Variants in MAP2 observed in about 807,000 individuals in gnomAD.
MAP2 encodes the protein microtubule-associated protein 2.
A neutral mutation model predicts 137.6 loss-of-function variants in MAP2; 14 were observed. That is an observed-to-expected ratio of 0.10 (90% CI 0.07 to 0.16). The LOEUF is 0.16. Among genes scored for constraint, MAP2 ranks in the 10% least tolerant of loss-of-function variants. The pLI is 1.00. For synonymous variants in MAP2, 786 were observed against 782.3 expected, an observed-to-expected ratio of 1.00 and a Z score of -0.08; for missense variants, 2,088 against 2,191.5, an observed-to-expected ratio of 0.95 and a Z score of 0.94.
chr2:209,650,659 A>G (rs1243059963), intron 4 of MAP2, among the ~76,000 whole-genome samples: 1 of 152,214 alleles, frequency 6.6e-6, no homozygotes, highest in Non-Finnish European at 1.5e-5. Flanking sequence ...TAAATAAACT[A>G]TGGACTGTAG....
At chr2:209,565,767 A>G (rs1199300839) in intron 2 of MAP2, among the ~76,000 whole-genome samples, 1 of 152,222 alleles carries the variant, frequency 6.6e-6, no homozygotes, top group African/African-American at 2.4e-5. Context: ...AGTACAAAAC[A>G]TCTGTCCTGT....
At chr2:209,642,631 A>C (rs1349896905) in intron 4 of MAP2, among the ~76,000 whole-genome samples, 1 of 152,090 alleles carries the variant, frequency 6.6e-6, no homozygotes, top group East Asian at 1.9e-4. Flanking sequence ...CTAATTGTTT[A>C]TTAGTCATGG....
chr2:209,719,913 CTA>C, intron 13 of MAP2, among the ~76,000 whole-genome samples: 1 of 152,264 alleles, frequency 6.6e-6, no homozygotes, highest in South Asian at 2.1e-4. Context: ...ATTCATGAGA[CTA>C]AAATCCTTTT....
chr2:209,619,935 C>T (rs2090634351), intron 3 of MAP2, among the ~76,000 whole-genome samples: 1 of 152,060 alleles, frequency 6.6e-6, no homozygotes, highest in Non-Finnish European at 1.5e-5. Flanking sequence ...GTGTCACTTC[C>T]TCATTAAGGC....
chr2:209,697,181 A>G (rs2060391669), intron 10 of MAP2, 130 bp downstream of exon 10: 6 of 884,642 alleles, frequency 6.8e-6, no homozygotes, highest in Admixed American at 2.8e-5. Context: ...CAATTTTGCT[A>G]TTAAGTGTCT....
intron 2 of MAP2, among the ~76,000 whole-genome samples, chr2:209,564,144 A>T (rs888519926): frequency 6.6e-6 from 1 of 152,236 alleles, no homozygotes; most frequent in African/African-American, 2.4e-5. Context: ...TAATACGAAA[A>T]GGAAAATGAA....
chr2:209,585,981 G>T (rs1021894861), intron 3 of MAP2, among the ~76,000 whole-genome samples: 4 of 152,084 alleles, frequency 2.6e-5, no homozygotes, highest in Non-Finnish European at 4.4e-5. Flanking sequence ...ACTAATGAAG[G>T]TACACAGACT....
At chr2:209,553,189 A>G (rs1020810179) in intron 2 of MAP2, among the ~76,000 whole-genome samples, 11 of 151,718 alleles carry the variant, frequency 7.3e-5, no homozygotes, top group Admixed American at 5.9e-4. Context: ...TTTTTTGTAT[A>G]TTTAGTAGAG....
intron 2 of MAP2, among the ~76,000 whole-genome samples, chr2:209,528,425 T>C (rs570664485): frequency 6.6e-6 from 1 of 152,210 alleles, no homozygotes; most frequent in Non-Finnish European, 1.5e-5. Flanking sequence ...ACTTTAAAAT[T>C]TTTATGTACT....
intron 3 of MAP2, among the ~76,000 whole-genome samples, chr2:209,614,956 A>C (rs2088635974): frequency 6.6e-6 from 1 of 152,164 alleles, no homozygotes; most frequent in African/African-American, 2.4e-5. Flanking sequence ...TTCATGCTAA[A>C]AGTAGATTTG....
At chr2:209,677,386 TTAGA>T (rs756741030) in intron 5 of MAP2, among the ~76,000 whole-genome samples, 3,067 of 149,204 alleles carry the variant, frequency 0.021, 40 homozygotes, top group African/African-American at 0.048. Context: ...AGATGATAGA[TTAGA>T]TAGATAGATA....
intron 3 of MAP2, among the ~76,000 whole-genome samples, chr2:209,591,730 A>C (rs1172543840): frequency 6.6e-6 from 1 of 152,190 alleles, no homozygotes; most frequent in Non-Finnish European, 1.5e-5. Context: ...TTACCATTTT[A>C]GTTGTAAATA....
intron 2 of MAP2, among the ~76,000 whole-genome samples, chr2:209,533,693 G>A (rs2065494157): frequency 6.6e-6 from 1 of 152,188 alleles, no homozygotes; most frequent in Admixed American, 6.5e-5. Context: ...GCATACTTAT[G>A]CTTCTGGTTC....
intron 2 of MAP2, among the ~76,000 whole-genome samples, chr2:209,563,430 A>G (rs2072644260): frequency 6.6e-6 from 1 of 152,208 alleles, no homozygotes; most frequent in African/African-American, 2.4e-5. Flanking sequence ...TGTCCTTAGT[A>G]AGCACCTTAT....
intron 2 of MAP2, among the ~76,000 whole-genome samples, chr2:209,554,436 T>C (rs912873618): frequency 2.6e-5 from 4 of 152,186 alleles, no homozygotes; most frequent in African/African-American, 9.7e-5. Flanking sequence ...TGAGTTAAGA[T>C]GGATGCTGCC....
intron 2 of MAP2, among the ~76,000 whole-genome samples, chr2:209,513,865 C>T (rs1036550761): frequency 6.6e-6 from 1 of 152,056 alleles, no homozygotes; most frequent in Non-Finnish European, 1.5e-5. Context: ...CAACCCCCTC[C>T]CCACCTCTCC....
At chr2:209,560,729 T>C (rs1460027250) in intron 2 of MAP2, among the ~76,000 whole-genome samples, 1 of 152,150 alleles carries the variant, frequency 6.6e-6, no homozygotes, top group Non-Finnish European at 1.5e-5. Flanking sequence ...TGGATTGTTG[T>C]GGGTTTTACT....
chr2:209,673,943 A>G (rs1021736851), intron 5 of MAP2, among the ~76,000 whole-genome samples: 2 of 151,818 alleles, frequency 1.3e-5, no homozygotes, highest in South Asian at 4.1e-4. Context: ...CAGGATTATC[A>G]TACCTTTTAG....
At chr2:209,586,411 TA>T (rs1183346704) in intron 3 of MAP2, among the ~76,000 whole-genome samples, 1 of 152,080 alleles carries the variant, frequency 6.6e-6, no homozygotes, top group African/African-American at 2.4e-5. Context: ...TTTGAAGTGG[TA>T]AAGAAAAAAT....
Sources: allele counts gnomAD v4.1 joint callset (sites outside exome capture counted in the v4.1 genomes callset), GRCh38; gene constraint gnomAD v4.1.1; transcripts MANE v1.5; gene names NCBI Gene and HGNC (gene_info 2026-07-23, HGNC 2026-07-21).